RERE: variants seen among roughly 807,000 people sequenced by gnomAD.
The protein encoded by RERE is arginine-glutamic acid dipeptide repeats, also known as arginine-glutamic acid dipeptide repeats protein.
RERE carries 40 observed loss-of-function variants against 146.1 expected under a neutral mutation model. The ratio of observed to expected loss-of-function variants is 0.27; its 90% CI spans 0.21 to 0.36. The LOEUF (loss-of-function observed/expected upper bound fraction) is 0.36. RERE is among the 10% of genes least tolerant of loss of function. The pLI is 1.00. For synonymous variants in RERE, 1,003 were observed against 866.0 expected (o/e 1.16, Z -2.78); for missense variants, 1,933 against 2,138.7 (o/e 0.90, Z 1.90).
intron 12 of RERE, among the ~76,000 whole-genome samples, chr1:8,374,304 C>T (rs1642155346): frequency 6.6e-6 from 1 of 152,186 alleles, no homozygotes; most frequent in South Asian, 2.1e-4. Context: ...CAGTCTAAGA[C>T]ACTCATGAAG....
chr1:8,363,319 C>G (rs1445798451), intron 15 of RERE, among the ~76,000 whole-genome samples: 1 of 152,244 alleles, frequency 6.6e-6, no homozygotes, highest in Non-Finnish European at 1.5e-5. Flanking sequence ...CAGCTCAGCT[C>G]CCCAAGCCGC....
chr1:8,716,927 G>C (rs940010064), intron 1 of RERE, among the ~76,000 whole-genome samples: 1 of 152,128 alleles, frequency 6.6e-6, no homozygotes, highest in African/African-American at 2.4e-5. Flanking sequence ...TTTGCAACCT[G>C]CTAGTAAGAC....
At chr1:8,626,811 C>T (rs745357218) in intron 2 of RERE, among the ~76,000 whole-genome samples, 3 of 152,196 alleles carry the variant, frequency 2.0e-5, no homozygotes, top group Non-Finnish European at 4.4e-5. Flanking sequence ...CCGGTTTATT[C>T]TCCAAAATGA....
chr1:8,552,059 C>G (rs777147931), intron 6 of RERE, among the ~76,000 whole-genome samples: 1 of 152,222 alleles, frequency 6.6e-6, no homozygotes, highest in African/African-American at 2.4e-5. Flanking sequence ...TCAAAACTAA[C>G]AGCAATGCAG....
chr1:8,550,027 C>A (rs1278679788), intron 6 of RERE, among the ~76,000 whole-genome samples: 1 of 152,160 alleles, frequency 6.6e-6, no homozygotes, highest in Non-Finnish European at 1.5e-5. Context: ...TGCTGAAAAT[C>A]AAAGAGAATC....
intron 11 of RERE, among the ~76,000 whole-genome samples, chr1:8,445,839 A>G (rs1026692003): frequency 3.1e-5 from 4 of 129,608 alleles, no homozygotes; most frequent in Non-Finnish European, 6.5e-5. Context: ...CCACCCCCCA[A>G]CAGGCCCTGG....
Position 8,386,019 on chromosome 1 carries a change from TATA to T in RERE, c.1285-20048_1285-20046del, listed in dbSNP as rs1186236385. Among the ~76,000 whole-genome samples the T allele has an allele frequency of 1.3e-3, 53 of 39,826 alleles. 1 individual carries two copies. The highest frequency in any genetic ancestry group is 1.9e-3 in the East Asian group (3 of 1,558). The allele number at this position is 39,826 out of a possible 152,430, so 26.1% of individuals were successfully genotyped here. A position where few individuals can be genotyped will look rare whatever the true frequency, so the allele number is the denominator to read the frequency against. On this transcript the variant is annotated intron_variant, in intron 12 of 22. Coordinates refer to ENST00000400908, the MANE Select transcript of RERE (RefSeq NM_001042681.2). ...ATATATATATATATATATATATATA[TATA>T]TTTTTTTTTTTTTTTTTTTTTTTTT...
intron 4 of RERE, among the ~76,000 whole-genome samples, chr1:8,603,409 T>C (rs1047531417): frequency 1.1e-4 from 17 of 152,292 alleles, no homozygotes; most frequent in African/African-American, 4.1e-4. Flanking sequence ...AATCCAGCCG[T>C]CTACACAAAC....
At chr1:8,575,340 T>G (rs1031129209) in intron 4 of RERE, among the ~76,000 whole-genome samples, 1 of 151,664 alleles carries the variant, frequency 6.6e-6, no homozygotes, top group Non-Finnish European at 1.5e-5. Flanking sequence ...CAGGGCACCT[T>G]TCCATAAAAT....
chr1:8,635,199 C>G (rs1043053117), intron 2 of RERE, among the ~76,000 whole-genome samples: 3 of 152,100 alleles, frequency 2.0e-5, no homozygotes, highest in African/African-American at 7.2e-5. Context: ...TCCACCTACA[C>G]AGTAATTTCC....
At chr1:8,471,391 C>T (rs1366926959) in intron 10 of RERE, among the ~76,000 whole-genome samples, 2 of 152,100 alleles carry the variant, frequency 1.3e-5, no homozygotes, top group Non-Finnish European at 2.9e-5. Context: ...TGGCTCACTG[C>T]AGCCTCAATC....
chr1:8,534,908 C>T (rs1150398), intron 7 of RERE, among the ~76,000 whole-genome samples: 149,840 of 152,310 alleles, frequency 0.98, 73,721 homozygotes, highest in Middle Eastern at 1. Flanking sequence ...CTGTGATACA[C>T]GATCTAACTC....
chr1:8,424,477 T>C (rs947837132), intron 11 of RERE, among the ~76,000 whole-genome samples: 2 of 152,234 alleles, frequency 1.3e-5, no homozygotes, highest in African/African-American at 4.8e-5. Flanking sequence ...TCATTGTCAA[T>C]TTTCAATATA....
chr1:8,728,906 C>G lies in RERE; in HGVS notation c.-144-72465G>C, dbSNP rs191174815. Among the ~76,000 whole-genome samples, 295 of 152,272 alleles carry G rather than the reference C, an allele frequency of 1.9e-3. 1 individual carries two copies. Among genetic ancestry groups the G allele is most frequent in the South Asian group, 8.9e-3 (43 of 4,822 alleles). ...TTATAGCCAGGCGCAGTGGCTCATG[C>G]CTGTAATCCCAGCACTTTGGGAGGC... On this transcript the variant is annotated intron_variant, in intron 1 of 22. Transcript: ENST00000400908.
chr1:8,699,191 C>T lies in RERE; in HGVS notation c.-144-42750G>A, dbSNP rs1378133198. ...CTATTCACTGTTTTCCCATGCTAAG[C>T]ATGGTCCTAAAGCATTTCGTAAACC... On this transcript the variant is annotated intron_variant, in intron 1 of 22. Coordinates refer to ENST00000400908, the MANE Select transcript of RERE (RefSeq NM_001042681.2). 4.6e-5 allele frequency among the ~76,000 whole-genome samples: 7 copies of T among 152,172 alleles called. No homozygotes were observed. The South Asian group carries it at 1.4e-3, about 31-fold the overall frequency.
intron 1 of RERE, among the ~76,000 whole-genome samples, chr1:8,752,472 T>C (rs1022258553): frequency 9.2e-5 from 14 of 152,202 alleles, no homozygotes; most frequent in East Asian, 1.9e-4. Flanking sequence ...GAGAAGAGAC[T>C]ATCAAAATGA....
At chr1:8,467,856 G>C (rs1249143758) in intron 10 of RERE, among the ~76,000 whole-genome samples, 1 of 152,130 alleles carries the variant, frequency 6.6e-6, no homozygotes, top group African/African-American at 2.4e-5. Flanking sequence ...GTGTTAACCA[G>C]AATGGTCTCG....
intron 12 of RERE, among the ~76,000 whole-genome samples, chr1:8,402,102 C>T (rs1420533474): frequency 6.6e-6 from 1 of 152,154 alleles, no homozygotes. Flanking sequence ...CTCTTGACCT[C>T]GTGATCCACC....
intron 12 of RERE, among the ~76,000 whole-genome samples, chr1:8,408,861 T>C (rs1570167428): frequency 6.6e-6 from 1 of 151,908 alleles, no homozygotes; most frequent in Admixed American, 6.6e-5. Context: ...GAGGTGGTGG[T>C]GGTCAAAGAA....
Sources: gnomAD v4.1 joint callset for allele counts (sites outside exome capture counted in the v4.1 genomes callset) on GRCh38, gnomAD v4.1.1 for gene constraint, MANE v1.5 for transcripts, NCBI Gene and HGNC (gene_info 2026-07-23, HGNC 2026-07-21) for gene names.